The following CEP112 variants were observed in gnomAD, a reference collection of about 807,000 sequenced individuals.
CEP112 encodes centrosomal protein of 112 kDa.
Under a neutral mutation model 153.0 loss-of-function variants are expected in CEP112, and 127 were observed. That is an observed-to-expected ratio of 0.83 (90% CI 0.72 to 0.96). CEP112 has a LOEUF of 0.96. CEP112 is among the 40% of genes least tolerant of loss of function. CEP112 has a pLI of 0.00. For synonymous variants in CEP112, 358 were observed against 374.4 expected (o/e 0.96, Z 0.51); for missense variants, 1,089 against 1,101.2 (o/e 0.99, Z 0.16).
intron 6 of CEP112, among the ~76,000 whole-genome samples, chr17:66,124,178 C>G (rs1720713711): frequency 6.6e-6 from 1 of 152,200 alleles, no homozygotes; most frequent in African/African-American, 2.4e-5. Context: ...ATGTTCCACA[C>G]ATGTCCACCT....
intron 17 of CEP112, among the ~76,000 whole-genome samples, chr17:65,992,401 GC>G (rs1288489361): frequency 2.0e-5 from 3 of 152,084 alleles, no homozygotes; most frequent in Non-Finnish European, 4.4e-5. Context: ...TGCATATTAA[GC>G]AAGAAAAGAT....
chr17:66,122,346 G>A (rs546667104), intron 6 of CEP112, among the ~76,000 whole-genome samples: 1 of 151,992 alleles, frequency 6.6e-6, no homozygotes, highest in Non-Finnish European at 1.5e-5. Context: ...ATACTTTCCT[G>A]TTTCTTTGCA....
At chr17:66,026,652 G>T (rs1310475199) in intron 16 of CEP112, among the ~76,000 whole-genome samples, 1 of 152,136 alleles carries the variant, frequency 6.6e-6, no homozygotes, top group East Asian at 1.9e-4. Flanking sequence ...GCCCCTTTAG[G>T]ATACCAAAAT....
intron 18 of CEP112, among the ~76,000 whole-genome samples, chr17:65,934,687 T>A (rs931385644): frequency 6.6e-6 from 1 of 152,144 alleles, no homozygotes; most frequent in Non-Finnish European, 1.5e-5. Flanking sequence ...AGCGAAGGGA[T>A]AGAAAAGATA....
intron 17 of CEP112, among the ~76,000 whole-genome samples, chr17:65,986,323 G>A (rs1480145068): frequency 6.6e-5 from 10 of 152,078 alleles, no homozygotes; most frequent in Admixed American, 3.3e-4. Flanking sequence ...GAAAGCAAAT[G>A]TAAATTAGCT....
intron 20 of CEP112, among the ~76,000 whole-genome samples, chr17:65,897,092 G>C (rs1238095301): frequency 6.6e-6 from 1 of 152,018 alleles, no homozygotes; most frequent in Non-Finnish European, 1.5e-5. Flanking sequence ...TACACAGCTG[G>C]AACACCAGGC....
chr17:65,679,129 CTTTTTTTTTTTTTTTTTTTTTTTT>C (rs57907674), intron 24 of CEP112, among the ~76,000 whole-genome samples: 4,116 of 31,538 alleles, frequency 0.13, 131 homozygotes, highest in Middle Eastern at 0.4. Context: ...GTGGTTCAAG[CTTTTTTTTTTTTTTTTTTTTTTTT>C]TTTTTTTTTT....
intron 6 of CEP112, among the ~76,000 whole-genome samples, chr17:66,120,391 A>G (rs2069517102): frequency 6.6e-6 from 1 of 152,000 alleles, no homozygotes; most frequent in Non-Finnish European, 1.5e-5. Flanking sequence ...AGTAGAGACG[A>G]GGTTTTACCA....
intron 12 of CEP112, among the ~76,000 whole-genome samples, chr17:66,049,000 A>G (rs2066331008): frequency 1.3e-5 from 2 of 152,202 alleles, no homozygotes; most frequent in Non-Finnish European, 2.9e-5. Context: ...TCCAAATCCT[A>G]TCAGCTGATG....
At chr17:65,792,924 C>T (rs1400615922) in intron 21 of CEP112, among the ~76,000 whole-genome samples, 1 of 152,084 alleles carries the variant, frequency 6.6e-6, no homozygotes, top group Non-Finnish European at 1.5e-5. Flanking sequence ...ACTGTTAATT[C>T]ATTTTTAGTA....
chr17:65,957,333 A>G (rs982818375), intron 18 of CEP112, among the ~76,000 whole-genome samples: 2 of 152,244 alleles, frequency 1.3e-5, no homozygotes, highest in African/African-American at 4.8e-5. Context: ...TTGACCTGTC[A>G]GAGATGGAGA....
chr17:66,107,567 C>A (rs527240725), intron 6 of CEP112, among the ~76,000 whole-genome samples: 5 of 151,836 alleles, frequency 3.3e-5, no homozygotes, highest in African/African-American at 1.2e-4. Flanking sequence ...AAATAAAACA[C>A]CTAGAAATTA....
chr17:65,690,113 C>CAAAAAAAAAAAAAAAAAAA (rs67399289), intron 23 of CEP112, among the ~76,000 whole-genome samples: 2 of 62,584 alleles, frequency 3.2e-5, no homozygotes, highest in Non-Finnish European at 5.9e-5. Context: ...GAAAACAGAC[C>CAAAAAAAAAAAAAAAAAAA]AAAAAAAAAA....
At chr17:65,970,357 GCCTATATTACATGCACACA>G (rs2062645107) in intron 17 of CEP112, among the ~76,000 whole-genome samples, 10 of 67,552 alleles carry the variant, frequency 1.5e-4, no homozygotes, top group East Asian at 1.4e-3. Context: ...TGCACTATGT[GCCTATATTACATGCACACA>G]TCATGCATAT....
intron 17 of CEP112, among the ~76,000 whole-genome samples, chr17:65,962,699 G>A (rs1428070491): frequency 2.0e-5 from 3 of 149,784 alleles, no homozygotes; most frequent in African/African-American, 7.3e-5. Context: ...AATCATGGGG[G>A]CAGGTCTTTC....
At chr17:65,995,937 G>A (rs2193428) in intron 17 of CEP112, among the ~76,000 whole-genome samples, 1 of 151,942 alleles carries the variant, frequency 6.6e-6, no homozygotes, top group African/African-American at 2.4e-5. Flanking sequence ...AGTGCCTTTC[G>A]CTTTCCACCA....
At chr17:66,144,003 GT>G (rs1272553257) in intron 4 of CEP112, among the ~76,000 whole-genome samples, 6 of 152,190 alleles carry the variant, frequency 3.9e-5, no homozygotes, top group African/African-American at 1.4e-4. Context: ...GTAGGTGAGT[GT>G]GTGGGAAAGA....
chr17:66,179,065 G>A (rs977577258), intron 2 of CEP112, among the ~76,000 whole-genome samples: 13 of 152,084 alleles, frequency 8.5e-5, no homozygotes, highest in Admixed American at 6.5e-4. Context: ...TTGTTTTTAC[G>A]CCAGTACCAT....
chr17:65,776,723 T>C (rs2053700494), intron 21 of CEP112, among the ~76,000 whole-genome samples: 1 of 152,206 alleles, frequency 6.6e-6, no homozygotes, highest in African/African-American at 2.4e-5. Flanking sequence ...ATTTTTAAGA[T>C]AAATCCCAGA....
Sources: allele counts gnomAD v4.1 joint callset (sites outside exome capture counted in the v4.1 genomes callset), GRCh38; gene constraint gnomAD v4.1.1; transcripts MANE v1.5; gene names NCBI Gene and HGNC (gene_info 2026-07-23, HGNC 2026-07-21).